Variants in PRICKLE2 observed in about 807,000 individuals in gnomAD.
PRICKLE2 encodes the protein prickle planar cell polarity protein 2.
PRICKLE2 carries 21 observed loss-of-function variants against 81.4 expected under a neutral mutation model. The observed-to-expected ratio is 0.26, with a 90% CI of 0.18 to 0.37. The LOEUF (loss-of-function observed/expected upper bound fraction) is 0.37. Among genes scored for constraint, PRICKLE2 ranks in the 10% least tolerant of loss-of-function variants. The pLI is 1.00. For missense variants in PRICKLE2, 940 were observed against 1,109.0 expected, an observed-to-expected ratio of 0.85 and a Z score of 2.16; for synonymous variants, 456 against 421.5, an observed-to-expected ratio of 1.08 and a Z score of -1.00.
chr3:64,120,652 T>G (rs1204078555), intron 7 of PRICKLE2, among the ~76,000 whole-genome samples: 1 of 152,158 alleles, frequency 6.6e-6, no homozygotes, highest in African/African-American at 2.4e-5. Flanking sequence ...CAGACCACAT[T>G]TGGAACAGCA....
At chr3:64,150,375 G>A (rs1307385621) in intron 6 of PRICKLE2, among the ~76,000 whole-genome samples, 4 of 152,046 alleles carry the variant, frequency 2.6e-5, no homozygotes, top group Non-Finnish European at 5.9e-5. Flanking sequence ...ACTTGGTAAT[G>A]GAGTTAACAT....
At chr3:64,123,146 A>G (rs2077052302) in intron 7 of PRICKLE2, among the ~76,000 whole-genome samples, 1 of 152,204 alleles carries the variant, frequency 6.6e-6, no homozygotes, top group African/African-American at 2.4e-5. Context: ...TTAACTGTAC[A>G]AATTTATAAT....
intron 2 of PRICKLE2, chr3:64,194,206 T>A (rs2078405366): frequency 6.6e-6 from 1 of 152,268 alleles, no homozygotes. Flanking sequence ...TGGCAGGATC[T>A]GCCTCAGGGA....
chr3:64,217,131 A>G (rs1343915689), intron 1 of PRICKLE2, among the ~76,000 whole-genome samples: 2 of 152,136 alleles, frequency 1.3e-5, no homozygotes, highest in Non-Finnish European at 1.5e-5. Flanking sequence ...TGCCAGGAGG[A>G]TGCCTACAGA....
chr3:64,197,666 T>C (rs1283479303), intron 2 of PRICKLE2, among the ~76,000 whole-genome samples: 1 of 151,932 alleles, frequency 6.6e-6, no homozygotes, highest in Non-Finnish European at 1.5e-5. Flanking sequence ...CATGGACACA[T>C]AGTGGGGAAC....
At chr3:64,136,447 C>A (rs1028942576) in intron 7 of PRICKLE2, among the ~76,000 whole-genome samples, 2 of 149,150 alleles carry the variant, frequency 1.3e-5, no homozygotes, top group Admixed American at 6.8e-5. Flanking sequence ...AGAATTTGCA[C>A]AATTGACAAG....
chr3:64,181,422 A>G (rs1167204966), intron 2 of PRICKLE2, among the ~76,000 whole-genome samples: 6 of 152,100 alleles, frequency 3.9e-5, no homozygotes, highest in Non-Finnish European at 7.4e-5. Context: ...TTCATCCAAA[A>G]CTGGAGATAC....
At chr3:64,197,489 T>G (rs995395489) in intron 2 of PRICKLE2, among the ~76,000 whole-genome samples, 2 of 152,188 alleles carry the variant, frequency 1.3e-5, no homozygotes, top group African/African-American at 4.8e-5. Flanking sequence ...GTCTACATAT[T>G]AGACTCATAC....
At chr3:64,223,337 C>T (rs1226629048) in intron 1 of PRICKLE2, among the ~76,000 whole-genome samples, 2 of 152,208 alleles carry the variant, frequency 1.3e-5, no homozygotes, top group Non-Finnish European at 2.9e-5. Context: ...GCTCTCTCCA[C>T]TTTACTGGCA....
intron 3 of PRICKLE2, among the ~76,000 whole-genome samples, chr3:64,160,781 C>T (rs761905158): frequency 6.6e-6 from 1 of 152,154 alleles, no homozygotes; most frequent in Non-Finnish European, 1.5e-5. Flanking sequence ...AATTTGAATC[C>T]AGTATCTCCC....
intron 2 of PRICKLE2, among the ~76,000 whole-genome samples, chr3:64,258,845 A>AAGAAAGAAAGAAAGAAAGAAAG (rs2079569796): frequency 8.8e-5 from 3 of 34,006 alleles, no homozygotes; most frequent in African/African-American, 1.3e-4. Context: ...AAAAAAAAAA[A>AAGAAAGAAAGAAAGAAAGAAAG]AAAGAAAGAA....
intron 2 of PRICKLE2, among the ~76,000 whole-genome samples, chr3:64,257,898 T>C (rs539501166): frequency 6.6e-6 from 1 of 152,216 alleles, no homozygotes; most frequent in East Asian, 1.9e-4. Flanking sequence ...CCCTCATGAA[T>C]AGGATTAGTG....
intron 3 of PRICKLE2, among the ~76,000 whole-genome samples, chr3:64,161,548 C>G (rs1250857065): frequency 6.6e-6 from 1 of 152,118 alleles, no homozygotes; most frequent in African/African-American, 2.4e-5. Flanking sequence ...AGAGCCATTT[C>G]AAATAGGCTA....
At chr3:64,153,113 TTAAC>T (rs2107026432) in intron 6 of PRICKLE2, 65 bp downstream of exon 6, 2 of 1,427,650 alleles carry the variant, frequency 1.4e-6, no homozygotes, top group Middle Eastern at 2.2e-4. Flanking sequence ...CAAAGATACT[TTAAC>T]TACACCCAAA....
chr3:64,208,380 A>C (rs896199003), intron 1 of PRICKLE2, among the ~76,000 whole-genome samples: 6 of 152,212 alleles, frequency 3.9e-5, no homozygotes, highest in Non-Finnish European at 1.5e-5. Context: ...ACCCCCACAC[A>C]GGGCTTCAGC....
intron 2 of PRICKLE2, chr3:64,163,351 C>T (rs2077765451): frequency 1.7e-6 from 1 of 588,224 alleles, no homozygotes; most frequent in Admixed American, 2.9e-5. Flanking sequence ...TTCCCTCTCT[C>T]TGTGAGGGAA....
chr3:64,120,027 G>C (rs1410921302), intron 7 of PRICKLE2, among the ~76,000 whole-genome samples: 3 of 152,160 alleles, frequency 2.0e-5, no homozygotes, highest in African/African-American at 7.2e-5. Flanking sequence ...CGGATGTAAA[G>C]ATGGCAACAA....
At chr3:64,244,563 G>A (rs888755911) in intron 2 of PRICKLE2, among the ~76,000 whole-genome samples, 1 of 151,702 alleles carries the variant, frequency 6.6e-6, no homozygotes, top group Non-Finnish European at 1.5e-5. Context: ...TGATAAAAGG[G>A]GAAACTATGA....
intron 1 of PRICKLE2, among the ~76,000 whole-genome samples, chr3:64,213,662 A>T (rs74503429): frequency 7.4e-4 from 113 of 152,296 alleles, no homozygotes; most frequent in African/African-American, 2.6e-3. Context: ...GCATAAGGTC[A>T]GTTTGGCTTC....
Sources: allele counts gnomAD v4.1 joint callset (sites outside exome capture counted in the v4.1 genomes callset), GRCh38; gene constraint gnomAD v4.1.1; transcripts MANE v1.5; gene names NCBI Gene and HGNC (gene_info 2026-07-23, HGNC 2026-07-21).